Variants in CFAP100 observed in about 807,000 individuals in gnomAD.
CFAP100 encodes cilia and flagella associated protein 100.
A neutral mutation model predicts 81.5 loss-of-function variants in CFAP100; 70 were observed. That is an observed-to-expected ratio of 0.86 (90% CI 0.71 to 1.05). The LOEUF is 1.05. Ranked by LOEUF, CFAP100 falls within the 50% of genes least tolerant of loss-of-function variation. The probability of loss-of-function intolerance (pLI) is 0.00; values close to 1 mark genes in which losing one functional copy is unlikely to be tolerated. For synonymous variants in CFAP100, 341 were observed against 314.8 expected (o/e 1.08, Z -0.88); for missense variants, 811 against 776.5 (o/e 1.04, Z -0.53).
intron 9 of CFAP100, 30 bp from the exon 10 acceptor site, chr3:126,419,950 C>A: frequency 6.2e-7 from 1 of 1,612,826 alleles, no homozygotes; most frequent in Non-Finnish European, 8.5e-7. Context: ...GCAGCTGAGG[C>A]CATCGGGGCC....
In CFAP100 at chr3:126,418,501, GAA is replaced by G. The variant is rs1560073028; in HGVS notation, c.463_464del (p.Lys155AlafsTer53). 1 of 1,614,022 alleles carries G rather than the reference GAA, an allele frequency of 6.2e-7. No homozygotes were observed. The highest frequency in any genetic ancestry group is 8.5e-7 in the Non-Finnish European group (1 of 1,180,038). The part of the protein sequence containing the change: ...PENMSGYIKQ[K>X]RQMFLLQYAL... ...AGAACATGAGTGGCTACATTAAGCA[GAA>G]GCGGCAAATGTTCCTCCTCCAGGTA... On this transcript the variant is annotated frameshift_variant, in exon 6 of 17. Transcript: ENST00000352312. LOFTEE classifies it high-confidence loss of function.
chr3:126,400,604 T>C (rs150889953), intron 2 of CFAP100, among the ~76,000 whole-genome samples: 1,672 of 151,944 alleles, frequency 0.011, 35 homozygotes, highest in African/African-American at 0.038. Flanking sequence ...ATACAAAAAA[T>C]AACCGGGCAT....
At chr3:126,420,362 C>A in intron 11 of CFAP100, 133 bp downstream of exon 11, 2 of 1,305,722 alleles carry the variant, frequency 1.5e-6, no homozygotes, top group Non-Finnish European at 2.1e-6. Flanking sequence ...CCAAGAAGGG[C>A]CAGACAGGGA....
intron 15 of CFAP100, 29 bp downstream of exon 15, chr3:126,434,410 C>G: frequency 6.3e-7 from 1 of 1,598,308 alleles, no homozygotes; most frequent in Non-Finnish European, 8.5e-7. Flanking sequence ...CTGCCAGCTG[C>G]TGTGTCCTGG....
chr3:126,407,486 TA>T (rs1477065195), intron 3 of CFAP100, among the ~76,000 whole-genome samples: 1 of 152,236 alleles, frequency 6.6e-6, no homozygotes, highest in African/African-American at 2.4e-5. Flanking sequence ...GAGGCTCCAC[TA>T]ACAGCAGTTC....
chr3:126,405,108 C>T (rs982893428), intron 2 of CFAP100, among the ~76,000 whole-genome samples: 1 of 152,214 alleles, frequency 6.6e-6, no homozygotes, highest in African/African-American at 2.4e-5. Flanking sequence ...CATCTCAGAA[C>T]TCTTCTCATC....
At chr3:126,426,343 G>A (rs1332724100) in intron 13 of CFAP100, among the ~76,000 whole-genome samples, 1 of 152,000 alleles carries the variant, frequency 6.6e-6, no homozygotes, top group Non-Finnish European at 1.5e-5. Context: ...CACATCTGAA[G>A]TCCTAGCTAC....
rs201411774 is a variant in CFAP100 at position 126,434,328 on chromosome 3, C to G, written c.1575C>G (p.Pro525=). The change falls in exon 15 of 17, where the codon CCC becomes CCG. Residue 525 remains proline, a synonymous_variant. Transcript: ENST00000352312. ...TGCTAGAGAACCTGGAGCACGTGCC[C>G]CAGGTCAAGATCGAGCAGGCCGAGA... The part of the protein sequence containing the change: ...DELLENLEHV[P]QVKIEQAERA... The G allele has an allele frequency of 6.2e-7, 1 of 1,614,070 alleles. No individual in the cohort carries two copies. Among genetic ancestry groups the G allele is most frequent in the East Asian group, 2.2e-5 (1 of 44,868 alleles).
intron 3 of CFAP100, among the ~76,000 whole-genome samples, chr3:126,408,996 T>TCCC (rs2083113811): frequency 6.6e-6 from 1 of 152,184 alleles, no homozygotes; most frequent in Non-Finnish European, 1.5e-5. Flanking sequence ...ACCATATTGC[T>TCCC]TTGGCTGGCC....
Position 126,434,222 on chromosome 3 carries a change from G to A in CFAP100, c.1469G>A (p.Arg490Gln), listed in dbSNP as rs138829390. 98 of 1,613,684 alleles carry A rather than the reference G, an allele frequency of 6.1e-5. No homozygotes were observed. The highest frequency in any genetic ancestry group is 2.8e-4 in the African/African-American group (21 of 75,022). Residue 490 changes from arginine to glutamine, a missense_variant, in exon 15 of 17, where the codon CGG (arginine) becomes CAG (glutamine). Physicochemically the swap from Arg to Gln is conservative, Grantham distance 43. Transcript: ENST00000352312. Reference protein sequence around the residue: ...SLNCKVLDVYRHCTGTQQEAN... With the variant: ...SLNCKVLDVYQHCTGTQQEAN... Reference sequence around the variant, plus strand: ...AACTGCAAGGTGCTGGATGTGTACCGGCACTGCACCGGCACCCAGCAGGAG... The same window carrying A: ...AACTGCAAGGTGCTGGATGTGTACCAGCACTGCACCGGCACCCAGCAGGAG...
chr3:126,407,670 C>A (rs917935727), intron 3 of CFAP100, among the ~76,000 whole-genome samples: 2 of 152,222 alleles, frequency 1.3e-5, no homozygotes, highest in Admixed American at 1.3e-4. Context: ...GCAAAACTAC[C>A]CTTCAGCCAA....
chr3:126,420,577 T>C (rs745805655), intron 11 of CFAP100: 1 of 286,602 alleles, frequency 3.5e-6, no homozygotes, highest in Middle Eastern at 1.2e-3. Flanking sequence ...GAAAGTCTGA[T>C]AGATGATCTG....
In CFAP100 at chr3:126,419,812, G is replaced by T. The variant is rs750467369; in HGVS notation, c.907G>T (p.Asp303Tyr). 3.7e-6 allele frequency: 6 copies of T among 1,613,484 alleles called. No individual in the cohort carries two copies. Among genetic ancestry groups the T allele is most frequent in the East Asian group, 4.5e-5 (2 of 44,896 alleles). ...KESSVNSTPG[D>Y]KGPGIKGKAS... The stretch of plus-strand genomic sequence containing the variant: ...GAGCAGTGTTAACTCCACACCAGGG[G>T]ACAAAGGTAGCAGAAAAGAGAATGT... Residue 303 changes from aspartate to tyrosine, a missense_variant, in exon 9 of 17, where the codon GAC (aspartate) becomes TAC (tyrosine). Physicochemically the swap from Asp to Tyr is radical, Grantham distance 160. Coordinates refer to ENST00000352312, the MANE Select transcript of CFAP100 (RefSeq NM_182628.3).
At chr3:126,419,562 G>C in intron 8 of CFAP100, 75 bp from the exon 9 acceptor site, 1 of 1,372,980 alleles carries the variant, frequency 7.3e-7, no homozygotes, top group South Asian at 1.3e-5. Flanking sequence ...ATGGAGGGGT[G>C]GCCCCGGCAT....
At chr3:126,404,603 G>C (rs1030383888) in intron 2 of CFAP100, among the ~76,000 whole-genome samples, 3 of 152,196 alleles carry the variant, frequency 2.0e-5, no homozygotes, top group African/African-American at 7.2e-5. Context: ...GCAGTTAATC[G>C]GTAACAAAGT....
In CFAP100 at chr3:126,416,486, C is replaced by A; in HGVS notation, c.396C>A (p.Thr132=). The A allele has an allele frequency of 6.2e-7, 1 of 1,600,818 alleles. No homozygotes were observed. Among genetic ancestry groups the A allele is most frequent in the Non-Finnish European group, 8.5e-7 (1 of 1,173,032 alleles). The part of the protein sequence containing the change: ...EHQRAFRDYT[T]WKLTLTKEKN... ...AGCGCGCCTTCCGCGACTACACGAC[C>A]TGGAAGCTCACCTTGACCAAAGGTG... The change falls in exon 5 of 17, where the codon ACC becomes ACA. Residue 132 remains threonine (T), a synonymous_variant. Coordinates refer to ENST00000352312, the MANE Select transcript of CFAP100 (RefSeq NM_182628.3).
chr3:126,426,714 C>G (rs1932956830), intron 13 of CFAP100, among the ~76,000 whole-genome samples: 1 of 152,176 alleles, frequency 6.6e-6, no homozygotes, highest in Non-Finnish European at 1.5e-5. Flanking sequence ...CGCACCACTG[C>G]ACTCCAGCCT....
At chr3:126,404,202 G>A (rs886557096) in intron 2 of CFAP100, among the ~76,000 whole-genome samples, 10 of 152,192 alleles carry the variant, frequency 6.6e-5, no homozygotes, top group Admixed American at 2.6e-4. Flanking sequence ...TAGAGTGACC[G>A]TTTCTGGTGT....
At chr3:126,433,826 ATCTGTTT>A (rs969350364) in intron 14 of CFAP100, 64 of 233,728 alleles carry the variant, frequency 2.7e-4, no homozygotes, top group African/African-American at 1.4e-3. Flanking sequence ...AGGGGCTGTT[ATCTGTTT>A]TCTAAGTGTC....
Sources: gnomAD v4.1 joint callset for allele counts (sites outside exome capture counted in the v4.1 genomes callset) on GRCh38, gnomAD v4.1.1 for gene constraint, MANE v1.5 for transcripts, NCBI Gene and HGNC (gene_info 2026-07-23, HGNC 2026-07-21) for gene names.